PCDHA13: variants seen among roughly 807,000 people sequenced by gnomAD.
The protein encoded by PCDHA13 is protocadherin alpha 13.
Under a neutral mutation model 64.8 loss-of-function variants are expected in PCDHA13, and 54 were observed. The ratio of observed to expected loss-of-function variants is 0.83; its 90% confidence interval spans 0.67 to 1.04. The LOEUF (loss-of-function observed/expected upper bound fraction) is 1.04, where lower values mean the gene tolerates loss of function less well. PCDHA13 is among the 50% of genes least tolerant of loss of function. PCDHA13 has a pLI of 0.00. For synonymous variants in PCDHA13, 587 were observed against 564.4 expected (o/e 1.04, Z -0.57); for missense variants, 1,248 against 1,254.3 (o/e 0.99, Z 0.08).
chr5:140,977,032 A>G (rs1488885995), intron 1 of PCDHA13, among the ~76,000 whole-genome samples: 3 of 152,212 alleles, frequency 2.0e-5, no homozygotes, highest in African/African-American at 7.2e-5. Flanking sequence ...TGAATCTAAG[A>G]AGGATGTTGT....
At chr5:140,886,631 G>T (rs1314948402) in intron 1 of PCDHA13, among the ~76,000 whole-genome samples, 1 of 151,860 alleles carries the variant, frequency 6.6e-6, no homozygotes. Context: ...TCCGAGACCA[G>T]CCTGGCCAAC....
At chr5:140,905,407 A>G (rs2071810139) in intron 1 of PCDHA13, among the ~76,000 whole-genome samples, 1 of 152,158 alleles carries the variant, frequency 6.6e-6, no homozygotes, top group Non-Finnish European at 1.5e-5. Context: ...CTATTTTTAT[A>G]CCAGTACCAT....
rs2059544095 is a variant in PCDHA13 at position 140,883,306 on chromosome 5, C to T, written c.1038C>T (p.Asn346=). Residue 346 remains asparagine, a synonymous_variant, in exon 1 of 4, where the codon AAC becomes AAT. Transcript: ENST00000289272. ...LLVEVLDVND[N]APEVTITSLS... is the part of the protein sequence containing the mutation. ...TGGAAGTACTAGATGTAAATGATAA[C>T]GCCCCAGAGGTTACCATCACTTCTT... is the stretch of plus-strand genomic sequence containing the variant. 1.2e-6 allele frequency: 2 copies of T among 1,614,050 alleles called. No homozygotes were observed. Among genetic ancestry groups the T allele is most frequent in the Non-Finnish European group, 8.5e-7 (1 of 1,180,014 alleles).
chr5:140,945,079 T>C (rs1554216701), intron 1 of PCDHA13, among the ~76,000 whole-genome samples: 1 of 152,126 alleles, frequency 6.6e-6, no homozygotes, highest in South Asian at 2.1e-4. Context: ...ACCAAAACAC[T>C]CTTGGAACTA....
chr5:140,884,529 G>C lies in PCDHA13; in HGVS notation c.2261G>C (p.Arg754Thr). Residue 754 changes from arginine to threonine, a missense_variant, in exon 1 of 4, where the codon AGG (arginine) becomes ACG (threonine). Transcript: ENST00000289272. ...AAGSWSYSQQ[R>T]RPRVCSGEGP... is the part of the protein sequence containing the mutation. Reference sequence around the variant, plus strand: ...GGGAGTTGGTCGTACTCGCAGCAGAGGCGGCCGAGGGTGTGCTCTGGGGAG... The same window carrying C: ...GGGAGTTGGTCGTACTCGCAGCAGACGCGGCCGAGGGTGTGCTCTGGGGAG... 2.5e-6 allele frequency: 4 copies of C among 1,614,068 alleles called. No individual in the cohort carries two copies. Among genetic ancestry groups the C allele is most frequent in the Non-Finnish European group, 3.4e-6 (4 of 1,179,986 alleles).
chr5:140,947,760 A>G (rs1332466215), intron 1 of PCDHA13, among the ~76,000 whole-genome samples: 1 of 151,618 alleles, frequency 6.6e-6, no homozygotes, highest in Admixed American at 6.6e-5. Context: ...TTATGGTTTA[A>G]AAAATTCTAT....
In PCDHA13 at chr5:140,883,763, G is replaced by T. The variant is rs782611304; in HGVS notation, c.1495G>T (p.Val499Leu). Residue 499 changes from valine (V) to leucine (L), a missense_variant, in exon 1 of 4, where the codon GTG becomes TTG. Val to Leu is a conservative substitution (Grantham distance 32). Transcript: ENST00000289272. ...LVSYSLVERRVGERALSSYVS... is the reference protein window; with the variant it reads ...LVSYSLVERRLGERALSSYVS... ...CTCCTACTCGCTGGTGGAGCGGCGG[G>T]TGGGCGAGCGTGCGCTGTCGAGCTA... is the stretch of plus-strand genomic sequence containing the variant. 2.5e-6 allele frequency: 4 copies of T among 1,612,740 alleles called. No homozygotes were observed. The highest frequency in any genetic ancestry group is 3.4e-6 in the Non-Finnish European group (4 of 1,179,724).
At chr5:141,002,567 C>T (rs2098086110) in intron 3 of PCDHA13, among the ~76,000 whole-genome samples, 1 of 152,210 alleles carries the variant, frequency 6.6e-6, no homozygotes, top group Admixed American at 6.5e-5. Context: ...CAGTTAGTGA[C>T]CATGTGACCA....
At chr5:140,952,768 AT>A (rs1554220610) in intron 1 of PCDHA13, among the ~76,000 whole-genome samples, 1 of 152,180 alleles carries the variant, frequency 6.6e-6, no homozygotes, top group African/African-American at 2.4e-5. Context: ...AGACTGGATA[AT>A]TTAGAAAGAA....
chr5:140,941,214 C>CTTCCTTTCTTTCTTTCTTT (rs1554214039), intron 1 of PCDHA13, among the ~76,000 whole-genome samples: 1 of 122,414 alleles, frequency 8.2e-6, no homozygotes, highest in Non-Finnish European at 1.7e-5. Context: ...TTTCTTTCTT[C>CTTCCTTTCTTTCTTTCTTT]CTTTCTTTCT....
chr5:140,968,639 G>C (rs1278507600), intron 1 of PCDHA13: 1 of 1,614,032 alleles, frequency 6.2e-7, no homozygotes, highest in Non-Finnish European at 8.5e-7. Flanking sequence ...TTACCATCTA[G>C]CCCAGACTTC....
chr5:140,941,191 T>TTTTTCTTTCTTTC lies in PCDHA13; in HGVS notation c.2395-37755_2395-37754insTCTTTCTTTCTTT, dbSNP rs1554213809. On this transcript the variant is annotated intron_variant, in intron 1 of 3. Transcript: ENST00000289272. ...CATCTTGAACATCCTGCTTCTTTTT[T>TTTTTCTTTCTTTC]TTTCTTTCTTCCTTTCTTTCTTCCT... Among the ~76,000 whole-genome samples the TTTTTCTTTCTTTC allele has an allele frequency of 1.3e-4, 12 of 93,256 alleles. No individual in the cohort carries two copies. In the East Asian group the frequency reaches 2.9e-3, roughly 23 times the overall value. 61.2% of individuals were successfully genotyped at this position (93,256 alleles called of 152,430 possible). A position where few individuals can be genotyped will look rare whatever the true frequency, so the allele number is the denominator to read the frequency against.
chr5:140,981,845 T>C (rs184071298), intron 2 of PCDHA13, among the ~76,000 whole-genome samples: 129 of 152,310 alleles, frequency 8.5e-4, no homozygotes, highest in Middle Eastern at 3.4e-3. Flanking sequence ...TCCCAGTTTG[T>C]ATCTCACTCC....
chr5:140,971,902 T>G (rs1554233695), intron 1 of PCDHA13, among the ~76,000 whole-genome samples: 2 of 152,280 alleles, frequency 1.3e-5, no homozygotes, highest in Admixed American at 1.3e-4. Flanking sequence ...GGTTAGGTAA[T>G]CTACACAGCC....
intron 3 of PCDHA13, among the ~76,000 whole-genome samples, chr5:141,003,283 G>A (rs1331116001): frequency 3.3e-5 from 5 of 152,188 alleles, no homozygotes; most frequent in African/African-American, 1.2e-4. Flanking sequence ...GCCCAAATTG[G>A]ATTATAGGAT....
chr5:140,886,158 C>A (rs888588847), intron 1 of PCDHA13, among the ~76,000 whole-genome samples: 2 of 152,142 alleles, frequency 1.3e-5, no homozygotes, highest in South Asian at 4.1e-4. Context: ...CTTTTTATAG[C>A]CACATCTGCT....
chr5:140,991,152 C>A (rs533894396), intron 3 of PCDHA13, among the ~76,000 whole-genome samples: 29 of 152,168 alleles, frequency 1.9e-4, no homozygotes, highest in Non-Finnish European at 3.2e-4. Flanking sequence ...TTTTGCTCAC[C>A]ATTGTATTCC....
intron 1 of PCDHA13, chr5:140,928,862 G>A (rs1554206427): frequency 1.2e-6 from 2 of 1,614,166 alleles, no homozygotes; most frequent in Admixed American, 1.7e-5. Context: ...GTGCTGTTGA[G>A]CAACTCTGTC....
chr5:140,914,187 A>G (rs2076635858), intron 1 of PCDHA13, among the ~76,000 whole-genome samples: 1 of 152,110 alleles, frequency 6.6e-6, no homozygotes, highest in African/African-American at 2.4e-5. Flanking sequence ...TTCTCCACCT[A>G]TTATTGTATT....
Sources: gnomAD v4.1 joint callset for allele counts (sites outside exome capture counted in the v4.1 genomes callset) on GRCh38, gnomAD v4.1.1 for gene constraint, MANE v1.5 for transcripts, NCBI Gene and HGNC (gene_info 2026-07-23, HGNC 2026-07-21) for gene names.